Variants in NCS1 observed in about 807,000 individuals in gnomAD.
NCS1 encodes the protein neuronal calcium sensor 1, also known as frequenin homolog.
Under a neutral mutation model 28.4 loss-of-function variants are expected in NCS1, and 6 were observed. That is an observed-to-expected ratio of 0.21 (90% CI 0.12 to 0.42). The LOEUF (loss-of-function observed/expected upper bound fraction) is 0.42. NCS1 is among the 10% of genes least tolerant of loss of function. The probability of loss-of-function intolerance (pLI) is 1.00; values close to 1 mark genes in which losing one functional copy is unlikely to be tolerated. For synonymous variants in NCS1, 86 were observed against 99.3 expected (o/e 0.87, Z 0.79); for missense variants, 131 against 241.4 (o/e 0.54, Z 3.03).
chr9:130,174,805 A>AAAAAAAAAAAAAAAAC (rs1554904446), intron 1 of NCS1, among the ~76,000 whole-genome samples: 2 of 151,352 alleles, frequency 1.3e-5, no homozygotes, highest in East Asian at 1.9e-4. Flanking sequence ...AAAAAAAAAA[A>AAAAAAAAAAAAAAAAC]AAGCTCTGCT....
At chr9:130,176,651 G>A (rs782102622) in intron 1 of NCS1, among the ~76,000 whole-genome samples, 5 of 152,208 alleles carry the variant, frequency 3.3e-5, no homozygotes, top group Non-Finnish European at 5.9e-5. Context: ...TGCTGTGCCT[G>A]AATCCCAGCA....
intron 1 of NCS1, among the ~76,000 whole-genome samples, chr9:130,172,928 C>G (rs1307310144): frequency 1.1e-4 from 17 of 151,754 alleles, no homozygotes; most frequent in African/African-American, 4.1e-4. Flanking sequence ...TTCTGGCACC[C>G]CCAGCCCGGG....
intron 6 of NCS1, 77 bp downstream of exon 6, chr9:130,223,236 T>C: frequency 1.4e-6 from 2 of 1,410,312 alleles, no homozygotes; most frequent in Admixed American, 1.8e-5. Context: ...CCCTGGATCC[T>C]GGGCCTGGCT....
In NCS1 at chr9:130,226,135, G is replaced by A. The variant is rs1481128382; in HGVS notation, c.475-254G>A. On this transcript the variant is annotated intron_variant, in intron 6 of 7. Transcript: ENST00000372398. The surrounding 1 kb of genome is among the most constrained non-coding windows in gnomAD (Gnocchi z 4.8). The stretch of plus-strand genomic sequence containing the variant: ...TCAAGCACAGAGCTGTCACCCGAGT[G>A]CCTGGAGGAAGCCAGGTAATTACCC... Among the ~76,000 whole-genome samples, 2 of 152,234 alleles carry A rather than the reference G, an allele frequency of 1.3e-5. No individual in the cohort carries two copies. Among genetic ancestry groups the A allele is most frequent in the East Asian group, 3.9e-4 (2 of 5,188 alleles).
In NCS1 at chr9:130,200,989, A is replaced by G. The variant is rs1554907423; in HGVS notation, c.89+7A>G. The stretch of plus-strand genomic sequence containing the variant: ...AGAAGGAGGTCCAGCAGTGGTGAGT[A>G]GCTGCTTTTTCTCAAACCGTAGAGG... On this transcript the variant is annotated splice_region_variant and intron_variant, in intron 2 of 7. Transcript: ENST00000372398. The G allele has an allele frequency of 6.2e-7, 1 of 1,613,844 alleles. No homozygotes were observed. The highest frequency in any genetic ancestry group is 1.3e-5 in the African/African-American group (1 of 74,842).
At chr9:130,189,321 A>C (rs1444019639) in intron 1 of NCS1, among the ~76,000 whole-genome samples, 2 of 152,226 alleles carry the variant, frequency 1.3e-5, no homozygotes, top group African/African-American at 4.8e-5. Flanking sequence ...TAGTTACCCA[A>C]GGTCACTTGT....
intron 7 of NCS1, among the ~76,000 whole-genome samples, chr9:130,231,287 G>A (rs13283825): frequency 0.75 from 113,712 of 151,774 alleles, 43,726 homozygotes; most frequent in East Asian, 0.87. Context: ...GGGAGGGTGA[G>A]GCTGCAGTAA....
At chr9:130,222,403 T>A (rs1337744026) in intron 4 of NCS1, among the ~76,000 whole-genome samples, 1 of 152,046 alleles carries the variant, frequency 6.6e-6, no homozygotes, top group African/African-American at 2.4e-5. Context: ...TCTGCTCACC[T>A]CAGCCTCCCA....
At chr9:130,184,943 G>A (rs1832719706) in intron 1 of NCS1, among the ~76,000 whole-genome samples, 3 of 151,314 alleles carry the variant, frequency 2.0e-5, no homozygotes, top group Non-Finnish European at 2.9e-5. Flanking sequence ...CAGCCTGGGC[G>A]ACAGAATAAG....
At chr9:130,205,173 C>T (rs781912407) in intron 2 of NCS1, among the ~76,000 whole-genome samples, 2 of 151,962 alleles carry the variant, frequency 1.3e-5, no homozygotes, top group Admixed American at 6.6e-5. Flanking sequence ...AATAAGGACT[C>T]GGTGGTGGAA....
rs543573208 is a variant in NCS1 at position 130,205,629 on chromosome 9, G to C, written c.89+4647G>C. Among the ~76,000 whole-genome samples, 9 of 150,832 alleles carry C rather than the reference G, an allele frequency of 6.0e-5. No homozygotes were observed. In the South Asian group the frequency reaches 1.9e-3, roughly 32 times the overall value. On this transcript the variant is annotated intron_variant, in intron 2 of 7. Transcript: ENST00000372398. ...AAGGCAGAGGATCATTTGAGCCCAG[G>C]AGTTTGAGACCAGCCTGGGCACATA...
chr9:130,220,677 T>C (rs1378977169), intron 4 of NCS1, among the ~76,000 whole-genome samples: 1 of 151,626 alleles, frequency 6.6e-6, no homozygotes, highest in African/African-American at 2.4e-5. Context: ...CAGAACTCCC[T>C]GCTCAGTAAG....
chr9:130,220,144 G>T (rs1833255590), intron 4 of NCS1, among the ~76,000 whole-genome samples: 1 of 152,232 alleles, frequency 6.6e-6, no homozygotes, highest in African/African-American at 2.4e-5. Flanking sequence ...AGCCTTGGCT[G>T]CACTCGGGCA....
intron 1 of NCS1, among the ~76,000 whole-genome samples, chr9:130,182,212 C>T (rs1453947774): frequency 6.6e-6 from 1 of 152,182 alleles, no homozygotes; most frequent in Non-Finnish European, 1.5e-5. Context: ...TTCAGGGACA[C>T]GCCCAAGTCC....
intron 4 of NCS1, among the ~76,000 whole-genome samples, chr9:130,222,128 G>GTGTA (rs1554910660): frequency 7.4e-6 from 1 of 134,236 alleles, no homozygotes; most frequent in African/African-American, 2.9e-5. Flanking sequence ...ATATATATGT[G>GTGTA]TATATATATA....
At chr9:130,224,556 CA>C in intron 6 of NCS1, among the ~76,000 whole-genome samples, 1 of 137,530 alleles carries the variant, frequency 7.3e-6, no homozygotes, top group Non-Finnish European at 1.5e-5. Context: ...GAGACTGTCT[CA>C]AAAGAAAAAA....
At chr9:130,216,178 G>C (rs77530636) in intron 2 of NCS1, among the ~76,000 whole-genome samples, 3,892 of 152,278 alleles carry the variant, frequency 0.026, 177 homozygotes, top group African/African-American at 0.09. Flanking sequence ...ACCCTAATCA[G>C]AGTGCCGCGC....
At chr9:130,189,879 A>AAATAT (rs1554906056) in intron 1 of NCS1, among the ~76,000 whole-genome samples, 7 of 37,750 alleles carry the variant, frequency 1.9e-4, no homozygotes, top group African/African-American at 5.8e-4. Context: ...AAAAAAAAAA[A>AAATAT]ATATATATAT....
At position 130,180,729 on chromosome 9, in the gene NCS1, A is replaced by G. The variant is rs565378775; in HGVS notation, c.64+8002A>G. On this transcript the variant is annotated intron_variant, in intron 1 of 7. Transcript: ENST00000372398. The surrounding 1 kb of genome is among the most constrained non-coding windows in gnomAD (Gnocchi z 4.5). ...GATCTGCACGTAGTAGGTGCTCAGT[A>G]AATGCTCTCCCAGGAAGGAGGCTGC... Among the ~76,000 whole-genome samples the G allele has an allele frequency of 4.6e-5, 7 of 152,314 alleles. No homozygotes were observed. The highest frequency in any genetic ancestry group is 1.7e-4 in the African/African-American group (7 of 41,578).
Sources: allele counts gnomAD v4.1 joint callset (sites outside exome capture counted in the v4.1 genomes callset), GRCh38; gene constraint gnomAD v4.1.1; non-coding constraint Gnocchi (gnomAD v3.1); transcripts MANE v1.5; gene names NCBI Gene and HGNC (gene_info 2026-07-23, HGNC 2026-07-21).